Variants in LHFPL5 observed in about 807,000 individuals in gnomAD.
LHFPL5 encodes the protein LHFPL tetraspan subfamily member 5, also known as LHFPL tetraspan subfamily member 5 protein.
LHFPL5 carries 12 observed loss-of-function variants against 18.7 expected under a neutral mutation model. The observed-to-expected ratio is 0.64, with a 90% CI of 0.41 to 1.04. The LOEUF (loss-of-function observed/expected upper bound fraction) is 1.04. Ranked by LOEUF, LHFPL5 falls within the 50% of genes least tolerant of loss-of-function variation. The pLI, the probability that LHFPL5 is intolerant of heterozygous loss-of-function variation, is 0.00. For missense variants in LHFPL5, 259 were observed against 292.1 expected, an observed-to-expected ratio of 0.89 and a Z score of 0.83; for synonymous variants, 111 against 120.2, an observed-to-expected ratio of 0.92 and a Z score of 0.50.
At position 35,814,467 on chromosome 6, in the gene LHFPL5, A is replaced by G; in HGVS notation, c.413-79A>G. 9.1e-7 allele frequency: 1 copy of G among 1,093,802 alleles called. No individual in the cohort carries two copies. The highest frequency in any genetic ancestry group is 1.7e-5 in the Admixed American group (1 of 59,376). The allele number at this position is 1,093,802 out of a possible 1,614,324, so 67.8% of individuals were successfully genotyped here. A position where few individuals can be genotyped will look rare whatever the true frequency, so the allele number is the denominator to read the frequency against. The stretch of plus-strand genomic sequence containing the variant: ...AGAAGGAGAAGGGAGGTGACAACAT[A>G]ACAGCAGTGCAAGGTGTGGGAGGTA... On this transcript the variant is annotated intron_variant, in intron 1 of 3. Coordinates refer to ENST00000360215, the MANE Select transcript of LHFPL5 (RefSeq NM_182548.4). This position sits in a 1 kb window ranked among gnomAD's most constrained non-coding sequence, Gnocchi z 4.2.
At chr6:35,821,747 C>G (rs2151072516) in intron 3 of LHFPL5, among the ~76,000 whole-genome samples, 1 of 151,332 alleles carries the variant, frequency 6.6e-6, no homozygotes, top group East Asian at 1.9e-4. Flanking sequence ...TCCAGAAGTG[C>G]TGGGATTACA....
rs563872138 is a variant in LHFPL5 at position 35,814,393 on chromosome 6, G to T, written c.413-153G>T. Among the ~76,000 whole-genome samples, 1 of 152,310 alleles carries T rather than the reference G, an allele frequency of 6.6e-6. No individual in the cohort carries two copies. Among genetic ancestry groups the T allele is most frequent in the African/African-American group, 2.4e-5 (1 of 41,574 alleles). On this transcript the variant is annotated intron_variant, in intron 1 of 3. Coordinates refer to ENST00000360215, the MANE Select transcript of LHFPL5 (RefSeq NM_182548.4). This position sits in a 1 kb window ranked among gnomAD's most constrained non-coding sequence, Gnocchi z 4.2. ...GCCTCAGTTTTCTCACCTGTGTTCT[G>T]CAAGAAGGATGGTAGAGGCTGCCTC...
At chr6:35,810,106 G>C (rs1001380947) in intron 1 of LHFPL5, among the ~76,000 whole-genome samples, 3 of 152,162 alleles carry the variant, frequency 2.0e-5, no homozygotes, top group Non-Finnish European at 4.4e-5. Flanking sequence ...CTCCTGTCTA[G>C]CTATACTTTT....
chr6:35,807,635 G>A (rs1413256623), intron 1 of LHFPL5, among the ~76,000 whole-genome samples: 3 of 152,150 alleles, frequency 2.0e-5, no homozygotes, highest in Non-Finnish European at 2.9e-5. Context: ...CACCAAACAT[G>A]CAGATTCAAG....
At chr6:35,815,695 T>A (rs537945322) in intron 2 of LHFPL5, among the ~76,000 whole-genome samples, 2 of 152,190 alleles carry the variant, frequency 1.3e-5, no homozygotes, top group Admixed American at 1.3e-4. Context: ...TCTTCCCACA[T>A]GAGGAACTTG....
intron 1 of LHFPL5, among the ~76,000 whole-genome samples, chr6:35,813,584 T>G (rs1301676796): frequency 6.6e-6 from 1 of 151,922 alleles, no homozygotes; most frequent in Non-Finnish European, 1.5e-5. Flanking sequence ...GCAACTGGAC[T>G]ATGCTGTACT....
chr6:35,807,151 G>A (rs1301091839), intron 1 of LHFPL5, among the ~76,000 whole-genome samples: 2 of 152,110 alleles, frequency 1.3e-5, no homozygotes, highest in Admixed American at 6.6e-5. Flanking sequence ...AACAATGTGG[G>A]GGCTGGGCAC....
chr6:35,810,588 A>G (rs1225904198), intron 1 of LHFPL5, among the ~76,000 whole-genome samples: 3 of 152,176 alleles, frequency 2.0e-5, no homozygotes, highest in Admixed American at 2.0e-4. Context: ...GACATAATCC[A>G]GGATGCAACT....
chr6:35,805,707 A>G lies in LHFPL5; in HGVS notation c.37A>G (p.Ile13Val), dbSNP rs1478034448. The part of the protein sequence containing the change: ...KLLPAQEAAK[I>V]YHTNYVRNSR... ...GCTGCCGGCCCAGGAGGCAGCCAAG[A>G]TCTACCATACCAACTATGTGCGGAA... Residue 13 changes from isoleucine (I) to valine (V), a missense_variant, in exon 1 of 4, where the codon ATC (isoleucine) becomes GTC (valine). Physicochemically the swap from Ile to Val is conservative, Grantham distance 29. Coordinates refer to ENST00000360215, the MANE Select transcript of LHFPL5 (RefSeq NM_182548.4). This position sits in a 1 kb window ranked among gnomAD's most constrained non-coding sequence, Gnocchi z 4.3. The G allele has an allele frequency of 1.2e-6, 2 of 1,614,102 alleles. No homozygotes were observed. The highest frequency in any genetic ancestry group is 3.3e-5 in the Admixed American group (2 of 60,014).
At chr6:35,818,349 GTAT>G (rs1768804671) in intron 2 of LHFPL5, among the ~76,000 whole-genome samples, 4 of 7,290 alleles carry the variant, frequency 5.5e-4, no homozygotes, top group Admixed American at 2.3e-3. Flanking sequence ...ATATATATAT[GTAT>G]TTTTTTTTTT....
chr6:35,815,277 A>G (rs1053160409), intron 2 of LHFPL5, among the ~76,000 whole-genome samples: 1 of 151,984 alleles, frequency 6.6e-6, no homozygotes, highest in Admixed American at 6.6e-5. Context: ...GGATTCTCGT[A>G]ATGTTCGTCC....
intron 2 of LHFPL5, among the ~76,000 whole-genome samples, chr6:35,818,347 ATGTATTTTTTTTTT>A (rs1158513226): frequency 1.8e-3 from 9 of 5,096 alleles, no homozygotes; most frequent in African/African-American, 3.7e-3. Context: ...ATATATATAT[ATGTATTTTTTTTTT>A]TTTTTTTTTT....
intron 2 of LHFPL5, among the ~76,000 whole-genome samples, chr6:35,816,498 T>G (rs1236459468): frequency 2.0e-5 from 3 of 152,008 alleles, no homozygotes; most frequent in Non-Finnish European, 4.4e-5. Context: ...CCCTTGAGGA[T>G]TCTATAAAGG....
At position 35,805,913 on chromosome 6, in the gene LHFPL5, C is replaced by T. The variant is rs779493090; in HGVS notation, c.243C>T (p.Gly81=). 2 of 1,614,250 alleles carry T rather than the reference C, an allele frequency of 1.2e-6. No homozygotes were observed. The highest frequency in any genetic ancestry group is 1.7e-6 in the Non-Finnish European group (2 of 1,180,042). Residue 81 remains glycine, a synonymous_variant, in exon 1 of 4, where the codon GGC becomes GGT. Coordinates refer to ENST00000360215, the MANE Select transcript of LHFPL5 (RefSeq NM_182548.4). The surrounding 1 kb of genome is among the most constrained non-coding windows in gnomAD (Gnocchi z 4.3). ...TGTCCTCCGAGCTCATCTGCAAGGG[C>T]GGCCCCCTAGACTTCTCCTCCATCC... ...NVLSSELICK[G]GPLDFSSIPS... is the part of the protein sequence containing the mutation.
At chr6:35,808,534 A>G (rs924346126) in intron 1 of LHFPL5, among the ~76,000 whole-genome samples, 1 of 141,364 alleles carries the variant, frequency 7.1e-6, no homozygotes, top group African/African-American at 2.6e-5. Context: ...GTATATATAT[A>G]TATATTCTTT....
At position 35,805,641 on chromosome 6, in the gene LHFPL5, G is replaced by A. The variant is rs375993440; in HGVS notation, c.-30G>A. 1.2e-6 allele frequency: 2 copies of A among 1,613,132 alleles called. No homozygotes were observed. The highest frequency in any genetic ancestry group is 4.5e-5 in the East Asian group (2 of 44,880). On this transcript the variant is annotated 5_prime_UTR_variant, in exon 1 of 4. Coordinates refer to ENST00000360215, the MANE Select transcript of LHFPL5 (RefSeq NM_182548.4). This position sits in a 1 kb window ranked among gnomAD's most constrained non-coding sequence, Gnocchi z 4.3. ...AAAGCTACGGACTTGCAGCCCACGG[G>A]ACCCCAGCCCAGGGCCTGCTGCCCT...
intron 1 of LHFPL5, among the ~76,000 whole-genome samples, chr6:35,811,007 G>T (rs1008060415): frequency 6.6e-6 from 1 of 152,126 alleles, no homozygotes; most frequent in Non-Finnish European, 1.5e-5. Context: ...CGCTCTCACT[G>T]TTGTCTCCTG....
chr6:35,820,524 C>T (rs969416907), intron 3 of LHFPL5, among the ~76,000 whole-genome samples: 1 of 151,978 alleles, frequency 6.6e-6, no homozygotes. Context: ...CATGGTGAAA[C>T]CCCGTCTCTA....
intron 3 of LHFPL5, chr6:35,819,836 C>A (rs549344334): frequency 6.9e-6 from 2 of 289,786 alleles, no homozygotes; most frequent in East Asian, 1.6e-4. Context: ...TGCCACCATG[C>A]CTGGCTAATT....
Sources: allele counts gnomAD v4.1 joint callset (sites outside exome capture counted in the v4.1 genomes callset), GRCh38; gene constraint gnomAD v4.1.1; non-coding constraint Gnocchi (gnomAD v3.1); transcripts MANE v1.5; gene names NCBI Gene and HGNC (gene_info 2026-07-23, HGNC 2026-07-21).